CASR: variants seen among roughly 807,000 people sequenced by gnomAD.
CASR encodes calcium sensing receptor, also known as extracellular calcium-sensing receptor.
CASR carries 23 observed loss-of-function variants against 69.1 expected under a neutral mutation model. The ratio of observed to expected loss-of-function variants is 0.33; its 90% CI spans 0.24 to 0.47. CASR has a LOEUF of 0.47. Ranked by LOEUF, CASR falls within the 20% of genes least tolerant of loss-of-function variation. The pLI is 1.00. For synonymous variants in CASR, 541 were observed against 544.7 expected (o/e 0.99, Z 0.10); for missense variants, 924 against 1,356.1 (o/e 0.68, Z 5.00).
chr3:122,265,414 C>T (rs374103189), intron 4 of CASR, among the ~76,000 whole-genome samples: 1 of 152,136 alleles, frequency 6.6e-6, no homozygotes, highest in East Asian at 1.9e-4. Flanking sequence ...GACCCCCAAG[C>T]CCTCCTCACA....
At position 122,261,854 on chromosome 3, in the gene CASR, C is replaced by T. The variant is rs2107632323; in HGVS notation, c.819C>T (p.Gly273=). Residue 273 remains glycine (G), a synonymous_variant, in exon 4 of 7, where the codon GGC becomes GGT. Transcript: ENST00000639785. ...AAGTCATCGTGGTTTTCTCCAGTGG[C>T]CCAGATCTTGAGCCCCTCATCAAGG... ...TAKVIVVFSS[G]PDLEPLIKEI... 1 of 1,614,218 alleles carries T rather than the reference C, an allele frequency of 6.2e-7. No individual in the cohort carries two copies. The highest frequency in any genetic ancestry group is 1.7e-5 in the Admixed American group (1 of 60,026).
intron 1 of CASR, among the ~76,000 whole-genome samples, chr3:122,248,303 A>G (rs1025016108): frequency 6.6e-6 from 1 of 152,218 alleles, no homozygotes; most frequent in Non-Finnish European, 1.5e-5. Flanking sequence ...CATATTGTGG[A>G]TGTCTCTTCA....
At chr3:122,234,394 A>C (rs1042954110) in intron 1 of CASR, among the ~76,000 whole-genome samples, 2 of 152,200 alleles carry the variant, frequency 1.3e-5, no homozygotes, top group African/African-American at 4.8e-5. Flanking sequence ...GGTGTAATGT[A>C]ACCAACACGT....
Position 122,289,190 on chromosome 3 carries a change from A to G in CASR, c.*3999A>G, listed in dbSNP as rs1274254480. ...TAATTATTGCTACAAGAATAATGGA[A>G]CATCAATAAGGGGTGCTAATCACCG... On this transcript the variant is annotated 3_prime_UTR_variant, in exon 7 of 7. Coordinates refer to ENST00000639785, the MANE Select transcript of CASR (RefSeq NM_000388.4). 1 of 152,264 alleles carries G rather than the reference A, an allele frequency of 6.6e-6. No homozygotes were observed. Among genetic ancestry groups the G allele is most frequent in the Non-Finnish European group, 1.5e-5 (1 of 68,058 alleles). 9.4% of individuals were successfully genotyped at this position (152,264 alleles called of 1,614,324 possible). A position where few individuals can be genotyped will look rare whatever the true frequency, so the allele number is the denominator to read the frequency against.
At chr3:122,252,581 A>G (rs2074509862) in intron 1 of CASR, among the ~76,000 whole-genome samples, 1 of 151,890 alleles carries the variant, frequency 6.6e-6, no homozygotes, top group Non-Finnish European at 1.5e-5. Flanking sequence ...ATGATGGTGG[A>G]CTAAAAATAA....
In CASR at chr3:122,254,244, G is replaced by C. The variant is rs2074528751; in HGVS notation, c.55G>C (p.Ala19Pro). ...CTTGGCACTCACCTGGCACACCTCT[G>C]CCTACGGGCCAGACCAGCGAGCCCA... is the stretch of plus-strand genomic sequence containing the variant. The part of the protein sequence containing the change: ...VLLALTWHTS[A>P]YGPDQRAQKK... Residue 19 changes from alanine to proline, a missense_variant, in exon 2 of 7, where the codon GCC becomes CCC. Transcript: ENST00000639785. 1 of 1,613,880 alleles carries C rather than the reference G, an allele frequency of 6.2e-7. No homozygotes were observed. The highest frequency in any genetic ancestry group is 8.5e-7 in the Non-Finnish European group (1 of 1,180,014).
chr3:122,281,160 G>A (rs2074882662), intron 5 of CASR, among the ~76,000 whole-genome samples: 1 of 152,170 alleles, frequency 6.6e-6, no homozygotes, highest in Non-Finnish European at 1.5e-5. Context: ...ACAACAAAAG[G>A]TGAAGGGTTT....
In CASR at chr3:122,285,562, A is replaced by T. The variant is rs1576879671; in HGVS notation, c.*371A>T. The T allele has an allele frequency of 3.8e-6, 1 of 261,724 alleles. No homozygotes were observed. The highest frequency in any genetic ancestry group is 5.0e-5 in the South Asian group (1 of 19,848). 16.2% of individuals were successfully genotyped at this position (261,724 alleles called of 1,614,324 possible). A position where few individuals can be genotyped will look rare whatever the true frequency, so the allele number is the denominator to read the frequency against. ...AGACTGATGGGACATCAAATTTGCCACCACTAGAGCTGAGAGTCTGAAAGA... is the reference window on the plus strand; with the variant it reads ...AGACTGATGGGACATCAAATTTGCCTCCACTAGAGCTGAGAGTCTGAAAGA... On this transcript the variant is annotated 3_prime_UTR_variant, in exon 7 of 7. Transcript: ENST00000639785.
intron 1 of CASR, among the ~76,000 whole-genome samples, chr3:122,217,486 G>T (rs1157302960): frequency 1.3e-5 from 2 of 152,188 alleles, no homozygotes; most frequent in East Asian, 3.8e-4. Context: ...GATTCAGGAT[G>T]TTTCCCTAAA....
intron 1 of CASR, among the ~76,000 whole-genome samples, chr3:122,230,704 C>A (rs1367503800): frequency 1.3e-5 from 2 of 152,162 alleles, no homozygotes; most frequent in African/African-American, 4.8e-5. Context: ...GAAGGGGCTT[C>A]CTGGGACCCA....
chr3:122,248,190 G>A (rs1040731779), intron 1 of CASR, among the ~76,000 whole-genome samples: 2 of 152,178 alleles, frequency 1.3e-5, no homozygotes, highest in Admixed American at 1.3e-4. Context: ...CTTTGGTACA[G>A]AAGGAATGAA....
At position 122,285,075 on chromosome 3, in the gene CASR, C is replaced by T. The variant is rs193921082; in HGVS notation, c.3121C>T (p.Arg1041Trp). ...GCAAGGACCTGTGGGTGGAGACCAG[C>T]GGCCAGAGGTGGAGGACCCTGAAGA... is the stretch of plus-strand genomic sequence containing the variant. ...GLQGPVGGDQ[R>W]PEVEDPEELS... The change falls in exon 7 of 7, where the codon CGG (arginine) becomes TGG (tryptophan). Residue 1041 changes from arginine (R) to tryptophan (W), a missense_variant. Around this residue, in one of 8 missense-constraint regions of CASR, gnomAD observed 201 missense variants for 228.8 expected, o/e 0.88. Transcript: ENST00000639785. 3.7e-6 allele frequency: 6 copies of T among 1,614,090 alleles called. No homozygotes were observed. Among genetic ancestry groups the T allele is most frequent in the Non-Finnish European group, 5.1e-6 (6 of 1,180,042 alleles).
chr3:122,217,921 T>C (rs1356960623), intron 1 of CASR, among the ~76,000 whole-genome samples: 4 of 151,988 alleles, frequency 2.6e-5, no homozygotes, highest in Non-Finnish European at 5.9e-5. Flanking sequence ...CATAGTCACA[T>C]CTAAGCAGAG....
At chr3:122,191,998 G>C (rs2073844359) in intron 1 of CASR, among the ~76,000 whole-genome samples, 1 of 152,174 alleles carries the variant, frequency 6.6e-6, no homozygotes, top group Non-Finnish European at 1.5e-5. Context: ...CACAGCCTTT[G>C]ACCAAAGAAT....
intron 1 of CASR, among the ~76,000 whole-genome samples, chr3:122,234,470 CATT>C: frequency 6.6e-6 from 1 of 152,152 alleles, no homozygotes; most frequent in South Asian, 2.1e-4. Context: ...GCTTACTTCT[CATT>C]AGACAGATTG....
At chr3:122,199,245 CAT>C (rs1275621220) in intron 1 of CASR, among the ~76,000 whole-genome samples, 2 of 152,218 alleles carry the variant, frequency 1.3e-5, no homozygotes, top group Admixed American at 6.5e-5. Context: ...AATTTCTGTA[CAT>C]GGAACTCATC....
At chr3:122,212,834 G>A (rs952442798) in intron 1 of CASR, among the ~76,000 whole-genome samples, 12 of 152,042 alleles carry the variant, frequency 7.9e-5, no homozygotes, top group Admixed American at 7.2e-4. Context: ...TAGAGACGGG[G>A]TTTCTCCATG....
At chr3:122,250,228 A>G (rs1345330834) in intron 1 of CASR, among the ~76,000 whole-genome samples, 2 of 152,154 alleles carry the variant, frequency 1.3e-5, no homozygotes, top group Non-Finnish European at 2.9e-5. Flanking sequence ...TGGAGGATCT[A>G]GAATGACCCT....
chr3:122,277,117 C>T (rs527969419), intron 5 of CASR, among the ~76,000 whole-genome samples: 10 of 147,626 alleles, frequency 6.8e-5, no homozygotes, highest in African/African-American at 1.5e-4. Flanking sequence ...GGCACAATCT[C>T]GGCTCGCTGA....
Sources: gnomAD v4.1 joint callset for allele counts (sites outside exome capture counted in the v4.1 genomes callset) on GRCh38, gnomAD v4.1.1 for gene constraint, gnomAD v4.1.1 regional missense constraint, MANE v1.5 for transcripts, NCBI Gene and HGNC (gene_info 2026-07-23, HGNC 2026-07-21) for gene names.